Variants in GTF3C1 observed in about 807,000 individuals in gnomAD.
GTF3C1 encodes general transcription factor IIIC subunit 1, also known as general transcription factor 3C polypeptide 1.
A neutral mutation model predicts 226.7 loss-of-function variants in GTF3C1; 57 were observed. The observed-to-expected ratio is 0.25, with a 90% CI of 0.20 to 0.31. GTF3C1 has a LOEUF of 0.31. Ranked by LOEUF, GTF3C1 falls within the 10% of genes least tolerant of loss-of-function variation. The pLI is 1.00. For synonymous variants in GTF3C1, 1,090 were observed against 1,084.8 expected (o/e 1.00, Z -0.09); for missense variants, 2,217 against 2,776.1 (o/e 0.80, Z 4.53).
At chr16:27,516,494 T>C (rs1185004850) in intron 6 of GTF3C1, among the ~76,000 whole-genome samples, 1 of 152,248 alleles carries the variant, frequency 6.6e-6, no homozygotes, top group African/African-American at 2.4e-5. Flanking sequence ...CTGATTTATC[T>C]GCTGTGAATC....
chr16:27,510,074 C>A (rs1161127087), intron 7 of GTF3C1, among the ~76,000 whole-genome samples: 1 of 152,086 alleles, frequency 6.6e-6, no homozygotes, highest in African/African-American at 2.4e-5. Flanking sequence ...CATGATGAAA[C>A]CTTGTCTCTA....
At chr16:27,525,019 T>C (rs1227846607) in intron 6 of GTF3C1, among the ~76,000 whole-genome samples, 1 of 152,086 alleles carries the variant, frequency 6.6e-6, no homozygotes, top group Non-Finnish European at 1.5e-5. Flanking sequence ...CTGGGTGTGG[T>C]GGCGCACGCC....
intron 7 of GTF3C1, among the ~76,000 whole-genome samples, chr16:27,509,801 C>T (rs2088546525): frequency 6.6e-6 from 1 of 150,808 alleles, no homozygotes. Flanking sequence ...CTCTTTATTT[C>T]CTGATGCATC....
chr16:27,462,019 C>T lies in GTF3C1; in HGVS notation c.6117+275G>A, dbSNP rs2087712771. The T allele has an allele frequency of 6.5e-6, 3 of 461,146 alleles. No homozygotes were observed. Among genetic ancestry groups the T allele is most frequent in the Non-Finnish European group, 1.2e-5 (3 of 256,900 alleles). The allele number at this position is 461,146 out of a possible 1,614,324, so 28.6% of individuals were successfully genotyped here. ...GGGGCAGCTGCTTGACCCGTGGGGCCCGGCGGACTCATGAGTTAGTGACCC... is the reference window on the plus strand; with the variant it reads ...GGGGCAGCTGCTTGACCCGTGGGGCTCGGCGGACTCATGAGTTAGTGACCC... On this transcript the variant is annotated intron_variant, in intron 36 of 36. Transcript: ENST00000356183. This position sits in a 1 kb window ranked among gnomAD's most constrained non-coding sequence, Gnocchi z 4.5.
chr16:27,480,808 G>A, intron 27 of GTF3C1: 1 of 424,906 alleles, frequency 2.4e-6, no homozygotes, highest in Non-Finnish European at 4.3e-6. Flanking sequence ...TTTCCTCAAA[G>A]GTAAAGTAAG....
chr16:27,495,129 G>T, intron 15 of GTF3C1, 82 bp downstream of exon 15: 1 of 1,093,186 alleles, frequency 9.1e-7, no homozygotes, highest in Non-Finnish European at 1.4e-6. Flanking sequence ...TTTATATAAG[G>T]AAAAGGAACT....
intron 2 of GTF3C1, among the ~76,000 whole-genome samples, chr16:27,542,870 TGCAGCA>T (rs2089108703): frequency 6.6e-6 from 1 of 152,238 alleles, no homozygotes; most frequent in South Asian, 2.1e-4. Context: ...CATCCTAGCC[TGCAGCA>T]CTGTGAACTA....
intron 25 of GTF3C1, 86 bp downstream of exon 25, chr16:27,484,125 G>T: frequency 1.0e-6 from 1 of 1,003,390 alleles, no homozygotes; most frequent in Non-Finnish European, 1.6e-6. Flanking sequence ...ACCTCAGTGT[G>T]CTCCAGCCAC....
rs1259264669 is a variant in GTF3C1 at position 27,521,899 on chromosome 16, G to GT, written c.973+6698dup. The stretch of plus-strand genomic sequence containing the variant: ...CTAATCTTGATTCTTTTTAATTCCA[G>GT]TTTTTTGGTTTCAAAGCTCCTTTAA... On this transcript the variant is annotated intron_variant, in intron 6 of 36. Coordinates refer to ENST00000356183, the MANE Select transcript of GTF3C1 (RefSeq NM_001520.4). Among the ~76,000 whole-genome samples the GT allele has an allele frequency of 5.9e-5, 9 of 151,610 alleles. No homozygotes were observed. In the East Asian group the frequency reaches 1.4e-3, roughly 23 times the overall value.
intron 5 of GTF3C1, among the ~76,000 whole-genome samples, chr16:27,529,857 G>A (rs1298172181): frequency 6.6e-6 from 1 of 152,180 alleles, no homozygotes; most frequent in Non-Finnish European, 1.5e-5. Flanking sequence ...GAAACTGAAC[G>A]TCAGTTGCCA....
At chr16:27,494,268 G>A in intron 16 of GTF3C1, among the ~76,000 whole-genome samples, 1 of 151,964 alleles carries the variant, frequency 6.6e-6, no homozygotes, top group East Asian at 1.9e-4. Flanking sequence ...TGGCGTGGTG[G>A]TGGGTGCCTG....
intron 14 of GTF3C1, among the ~76,000 whole-genome samples, chr16:27,496,969 C>T (rs1022727186): frequency 2.6e-5 from 4 of 152,196 alleles, no homozygotes; most frequent in African/African-American, 4.8e-5. Context: ...AAGGCCACAC[C>T]GTGGGGCTGC....
intron 6 of GTF3C1, among the ~76,000 whole-genome samples, chr16:27,526,871 G>A (rs2088841185): frequency 6.6e-6 from 1 of 152,202 alleles, no homozygotes; most frequent in Non-Finnish European, 1.5e-5. Context: ...AATGATTCTG[G>A]TTAATCAGGA....
intron 34 of GTF3C1, chr16:27,464,020 C>T: frequency 2.3e-6 from 1 of 438,124 alleles, no homozygotes; most frequent in South Asian, 4.5e-5. Flanking sequence ...AGTTGAGACC[C>T]CCATGCCATC....
intron 14 of GTF3C1, among the ~76,000 whole-genome samples, chr16:27,496,979 C>T (rs561125836): frequency 6.6e-6 from 1 of 152,330 alleles, no homozygotes; most frequent in East Asian, 1.9e-4. Context: ...CGTGGGGCTG[C>T]AGCCCTAGGA....
rs1451182517 is a variant in GTF3C1 at position 27,507,961 on chromosome 16, G to T, written c.1242+579C>A. ...GGACAGAGAGTGGCCAGCCCCAGCT[G>T]ACTGTCCCCATGTGGGAGTAGGCTC... is the stretch of plus-strand genomic sequence containing the variant. On this transcript the variant is annotated intron_variant, in intron 8 of 36. Transcript: ENST00000356183. This position sits in a 1 kb window ranked among gnomAD's most constrained non-coding sequence, Gnocchi z 4.9. Among the ~76,000 whole-genome samples the T allele has an allele frequency of 6.6e-6, 1 of 152,374 alleles. No homozygotes were observed. The highest frequency in any genetic ancestry group is 1.9e-4 in the East Asian group (1 of 5,184).
chr16:27,474,540 A>C (rs757003409), intron 29 of GTF3C1, among the ~76,000 whole-genome samples: 2 of 152,188 alleles, frequency 1.3e-5, no homozygotes, highest in Non-Finnish European at 2.9e-5. Flanking sequence ...GAAGTCGGAA[A>C]TTTGGACTCC....
At chr16:27,483,005 T>C (rs999622535) in intron 26 of GTF3C1, 39 bp downstream of exon 26, 1 of 1,570,298 alleles carries the variant, frequency 6.4e-7, no homozygotes, top group Non-Finnish European at 8.8e-7. Context: ...TGCCCCAATC[T>C]CCCAAGCATA....
intron 19 of GTF3C1, among the ~76,000 whole-genome samples, chr16:27,490,821 CCCTCATCCTGGGGGTAGAACCTCTT>C (rs2088222228): frequency 6.6e-6 from 1 of 152,096 alleles, no homozygotes. Flanking sequence ...GACGCTTTTC[CCCTCATCCTGGGGGTAGAACCTCTT>C]CAAATGTTTA....
Sources: gnomAD v4.1 joint callset for allele counts (sites outside exome capture counted in the v4.1 genomes callset) on GRCh38, gnomAD v4.1.1 for gene constraint, Gnocchi (gnomAD v3.1) non-coding constraint, MANE v1.5 for transcripts, NCBI Gene and HGNC (gene_info 2026-07-23, HGNC 2026-07-21) for gene names.